KCTD4: variants seen among roughly 807,000 people sequenced by gnomAD.
KCTD4 encodes potassium channel tetramerization domain containing 4, also known as BTB/POZ domain-containing protein KCTD4.
Under a neutral mutation model 18.3 loss-of-function variants are expected in KCTD4, and 12 were observed. The observed-to-expected ratio is 0.66, with a 90% CI of 0.42 to 1.06. KCTD4 has a LOEUF of 1.06. Among genes scored for constraint, KCTD4 ranks in the 50% least tolerant of loss-of-function variants. The pLI is 0.00. For synonymous variants in KCTD4, 124 were observed against 110.5 expected (o/e 1.12, Z -0.76); for missense variants, 250 against 303.4 (o/e 0.82, Z 1.31).
intron 1 of KCTD4, among the ~76,000 whole-genome samples, chr13:45,195,867 A>G (rs894831512): frequency 1.3e-5 from 2 of 152,082 alleles, no homozygotes; most frequent in African/African-American, 4.8e-5. Flanking sequence ...TGTTGCCCAG[A>G]CGGGTCTCAA....
At chr13:45,198,032 C>A (rs1334181994) in intron 1 of KCTD4, among the ~76,000 whole-genome samples, 3 of 152,216 alleles carry the variant, frequency 2.0e-5, no homozygotes, top group Admixed American at 1.3e-4. Context: ...TACCTTAACT[C>A]TTTATTAGAG....
chr13:45,198,123 T>C (rs1872994804), intron 1 of KCTD4, among the ~76,000 whole-genome samples: 1 of 152,242 alleles, frequency 6.6e-6, no homozygotes, highest in African/African-American at 2.4e-5. Flanking sequence ...TATGAGTATA[T>C]CCTATAGTTA....
chr13:45,196,356 G>C (rs746237715), intron 1 of KCTD4, among the ~76,000 whole-genome samples: 6 of 152,156 alleles, frequency 3.9e-5, no homozygotes, highest in Non-Finnish European at 8.8e-5. Context: ...TACTCCTGCA[G>C]CACTTAATAA....
intron 1 of KCTD4, among the ~76,000 whole-genome samples, chr13:45,198,228 C>A (rs1873000074): frequency 6.6e-6 from 1 of 152,208 alleles, no homozygotes; most frequent in African/African-American, 2.4e-5. Flanking sequence ...CTCATTCCAG[C>A]AGGAATTCCC....
Position 45,194,400 on chromosome 13 carries a change from G to A in KCTD4, c.168C>T (p.Asp56=), listed in dbSNP as rs915565506. 1.9e-6 allele frequency: 3 copies of A among 1,614,162 alleles called. No individual in the cohort carries two copies. The highest frequency in any genetic ancestry group is 2.5e-6 in the Non-Finnish European group (3 of 1,180,020). ...TQKQTLTKYP[D]TFLEGIVNGK... ...CATTTACTATACCTTCAAGGAAAGT[G>A]TCTGGGTACTTGGTCAGTGTTTGTT... The change falls in exon 2 of 2, where the codon GAC becomes GAT. Residue 56 remains aspartate, a synonymous_variant. Transcript: ENST00000379108.
rs1203068880 is a variant in KCTD4 at position 45,192,898 on chromosome 13, T to G, written c.*890A>C. On this transcript the variant is annotated 3_prime_UTR_variant, in exon 2 of 2. Transcript: ENST00000379108. Reference sequence around the variant, plus strand: ...ATTATTCTAATAACAGATACTCTATTGAGACTAAGTTACCCATGCTTTGTG... The same window carrying G: ...ATTATTCTAATAACAGATACTCTATGGAGACTAAGTTACCCATGCTTTGTG... 6.6e-6 allele frequency: 1 copy of G among 152,152 alleles called. No individual in the cohort carries two copies. The highest frequency in any genetic ancestry group is 2.4e-5 in the African/African-American group (1 of 41,432). 9.4% of individuals were successfully genotyped at this position (152,152 alleles called of 1,614,324 possible). A position where few individuals can be genotyped will look rare whatever the true frequency, so the allele number is the denominator to read the frequency against.
Position 45,194,434 on chromosome 13 carries a change from A to G in KCTD4, c.134T>C (p.Ile45Thr), listed in dbSNP as rs765785812. ...MTLNVGGYLY[I>T]TQKQTLTKYP... is the part of the protein sequence containing the mutation. The stretch of plus-strand genomic sequence containing the variant: ...CTTGGTCAGTGTTTGTTTTTGAGTA[A>G]TGTATAAATATCCACCAACGTTGAG... The change falls in exon 2 of 2, where the codon ATT becomes ACT. Residue 45 changes from isoleucine to threonine, a missense_variant. Ile to Thr is a moderately conservative substitution (Grantham distance 89). Coordinates refer to ENST00000379108, the MANE Select transcript of KCTD4 (RefSeq NM_198404.3). 6.2e-7 allele frequency: 1 copy of G among 1,614,176 alleles called. No homozygotes were observed. The highest frequency in any genetic ancestry group is 1.1e-5 in the South Asian group (1 of 91,084).
Position 45,193,589 on chromosome 13 carries a change from GTC to G in KCTD4, c.*197_*198del, listed in dbSNP as rs1872740121. 1.9e-6 allele frequency: 1 copy of G among 522,544 alleles called. No homozygotes were observed. The highest frequency in any genetic ancestry group is 2.9e-5 in the East Asian group (1 of 34,446). The allele number at this position is 522,544 out of a possible 1,614,324, so 32.4% of individuals were successfully genotyped here. On this transcript the variant is annotated 3_prime_UTR_variant, in exon 2 of 2. Coordinates refer to ENST00000379108, the MANE Select transcript of KCTD4 (RefSeq NM_198404.3). Reference sequence around the variant, plus strand: ...TACTGTTTTCATTTTAGGTGGAAGAGTCTGATCAGTAGGAACACCCCAGAGGA... The same window carrying G: ...TACTGTTTTCATTTTAGGTGGAAGAGTGATCAGTAGGAACACCCCAGAGGA...
At chr13:45,200,711 A>T (rs1324378970) in intron 1 of KCTD4, among the ~76,000 whole-genome samples, 113 bp downstream of exon 1, 1 of 152,232 alleles carries the variant, frequency 6.6e-6, no homozygotes, top group East Asian at 1.9e-4. Context: ...AGTACCTTTT[A>T]TTAGTAGACC....
At chr13:45,198,590 A>G (rs1479374055) in intron 1 of KCTD4, among the ~76,000 whole-genome samples, 2 of 152,268 alleles carry the variant, frequency 1.3e-5, no homozygotes, top group African/African-American at 4.8e-5. Flanking sequence ...CTTGTCTTTT[A>G]AAAGGATTTC....
intron 1 of KCTD4, among the ~76,000 whole-genome samples, chr13:45,197,616 C>T (rs963694582): frequency 1.3e-4 from 19 of 151,978 alleles, no homozygotes; most frequent in Admixed American, 1.0e-3. Flanking sequence ...TATAGGAGTT[C>T]ATTGATCATT....
chr13:45,194,507 G>T lies in KCTD4; in HGVS notation c.61C>A (p.Leu21Met), dbSNP rs746630026. 6.2e-7 allele frequency: 1 copy of T among 1,614,058 alleles called. No homozygotes were observed. The highest frequency in any genetic ancestry group is 2.2e-5 in the East Asian group (1 of 44,884). The part of the protein sequence containing the change: ...EKEYEGKHNS[L>M]EDTDQGKNCK... ...TTCTTTCCTTGATCAGTATCTTCCA[G>T]GCTGTTGTGTTTCCCTTCATACTCC... The change falls in exon 2 of 2, where the codon CTG becomes ATG. Residue 21 changes from leucine to methionine, a missense_variant. By Grantham distance (15) the Leu-to-Met change is conservative. Transcript: ENST00000379108.
rs1873151516 is a variant in KCTD4 at position 45,200,917 on chromosome 13, C to T, written c.-281G>A. Reference sequence around the variant, plus strand: ...AGAGTCAGGAGAGTAAGGAGAGTAACTTCGAGGTCTGGAGGATCAGCCTGA... The same window carrying T: ...AGAGTCAGGAGAGTAAGGAGAGTAATTTCGAGGTCTGGAGGATCAGCCTGA... On this transcript the variant is annotated 5_prime_UTR_variant, in exon 1 of 2. Transcript: ENST00000379108. Among the ~76,000 whole-genome samples, 1 of 152,142 alleles carries T rather than the reference C, an allele frequency of 6.6e-6. No individual in the cohort carries two copies. Among genetic ancestry groups the T allele is most frequent in the Non-Finnish European group, 1.5e-5 (1 of 68,032 alleles).
Position 45,194,064 on chromosome 13 carries a change from T to G in KCTD4, c.504A>C (p.Ile168=). ...FCNAPDFISK[I]KSRIVLVSKS... is the part of the protein sequence containing the mutation. Reference sequence around the variant, plus strand: ...TGGACACCAGAACAATGCGAGACTTTATTTTTGATATGAAATCAGGAGCAT... The same window carrying G: ...TGGACACCAGAACAATGCGAGACTTGATTTTTGATATGAAATCAGGAGCAT... The change falls in exon 2 of 2, where the codon ATA becomes ATC. Residue 168 remains isoleucine, a synonymous_variant. Transcript: ENST00000379108. The G allele has an allele frequency of 6.2e-7, 1 of 1,614,172 alleles. No homozygotes were observed. The highest frequency in any genetic ancestry group is 1.1e-5 in the South Asian group (1 of 91,086).
intron 1 of KCTD4, among the ~76,000 whole-genome samples, chr13:45,198,003 G>A (rs188935025): frequency 6.6e-6 from 1 of 152,244 alleles, no homozygotes; most frequent in African/African-American, 2.4e-5. Flanking sequence ...GAAAGATTGG[G>A]GTCCTGTTTC....
Position 45,194,198 on chromosome 13 carries a change from C to T in KCTD4, c.370G>A (p.Glu124Lys), listed in dbSNP as rs756013146. Residue 124 changes from glutamate (E) to lysine (K), a missense_variant, in exon 2 of 2, where the codon GAG (glutamate) becomes AAG (lysine). Physicochemically the swap from Glu to Lys is moderately conservative, Grantham distance 56. Transcript: ENST00000379108. ...AEFFQLKGLAEEVKSRWEKEQ... is the reference protein window; with the variant it reads ...AEFFQLKGLAKEVKSRWEKEQ... ...TTCTCCCACCTGGATTTCACTTCCT[C>T]TGCCAGTCCCTTGAGCTGAAAGAAT... is the stretch of plus-strand genomic sequence containing the variant. The T allele has an allele frequency of 6.2e-7, 1 of 1,614,170 alleles. No individual in the cohort carries two copies. The highest frequency in any genetic ancestry group is 8.5e-7 in the Non-Finnish European group (1 of 1,180,022).
In KCTD4 at chr13:45,193,838, A is replaced by C; in HGVS notation, c.730T>G (p.Cys244Gly). The C allele has an allele frequency of 1.2e-6, 2 of 1,612,020 alleles. No homozygotes were observed. The highest frequency in any genetic ancestry group is 1.7e-6 in the Non-Finnish European group (2 of 1,179,496). ...CGFRLLTSLD[C>G]SKGSIVHSDA... is the part of the protein sequence containing the mutation. ...CTGTGAACAATTGACCCTTTGGAAC[A>C]ATCCAGGCTGGTCAGCAGTCTAAAG... The change falls in exon 2 of 2, where the codon TGT (cysteine) becomes GGT (glycine). Residue 244 changes from cysteine (C) to glycine (G), a missense_variant. By Grantham distance (159) the Cys-to-Gly change is radical. Transcript: ENST00000379108.
At chr13:45,200,662 A>G (rs558448411) in intron 1 of KCTD4, among the ~76,000 whole-genome samples, 162 bp downstream of exon 1, 2 of 152,328 alleles carry the variant, frequency 1.3e-5, no homozygotes, top group African/African-American at 4.8e-5. Context: ...TTAATAATAC[A>G]GGGATAGAAA....
chr13:45,193,762 G>T lies in KCTD4; in HGVS notation c.*26C>A. 2 of 1,545,722 alleles carry T rather than the reference G, an allele frequency of 1.3e-6. No homozygotes were observed. Among genetic ancestry groups the T allele is most frequent in the East Asian group, 2.3e-5 (1 of 44,428 alleles). ...TCCGAAGCTTGCTGGCTGCATGCTT[G>T]TTGCCTTTGTTCGTGACACAGGTAA... On this transcript the variant is annotated 3_prime_UTR_variant, in exon 2 of 2. Transcript: ENST00000379108.
Sources: allele counts gnomAD v4.1 joint callset (sites outside exome capture counted in the v4.1 genomes callset), GRCh38; gene constraint gnomAD v4.1.1; transcripts MANE v1.5; gene names NCBI Gene and HGNC (gene_info 2026-07-23, HGNC 2026-07-21).